Variants in BRINP3 observed in about 807,000 individuals in gnomAD.
BRINP3 encodes the protein BMP/retinoic acid inducible neural specific 3.
BRINP3 carries 19 observed loss-of-function variants against 71.0 expected under a neutral mutation model. The ratio of observed to expected loss-of-function variants is 0.27; its 90% CI spans 0.19 to 0.39. The LOEUF is 0.39. Ranked by LOEUF, BRINP3 falls within the 10% of genes least tolerant of loss-of-function variation. The pLI is 1.00. For missense variants in BRINP3, 959 were observed against 940.8 expected, an observed-to-expected ratio of 1.02 and a Z score of -0.25; for synonymous variants, 380 against 337.7, an observed-to-expected ratio of 1.13 and a Z score of -1.37.
At position 190,332,948 on chromosome 1, in the gene BRINP3, T is replaced by C. The variant is rs536961671; in HGVS notation, c.237-51198A>G. On this transcript the variant is annotated intron_variant, in intron 2 of 7. Transcript: ENST00000367462. ...CATCTATGAACCCATATACCTATTTTTTAAGCTTTATTTCACATCTGTTTT... is the reference window on the plus strand; with the variant it reads ...CATCTATGAACCCATATACCTATTTCTTAAGCTTTATTTCACATCTGTTTT... 7.2e-5 allele frequency among the ~76,000 whole-genome samples: 11 copies of C among 152,078 alleles called. No individual in the cohort carries two copies. In the East Asian group the frequency reaches 2.1e-3, roughly 29 times the overall value.
intron 2 of BRINP3, among the ~76,000 whole-genome samples, chr1:190,323,606 A>T (rs1028312114): frequency 6.8e-4 from 103 of 151,774 alleles, no homozygotes; most frequent in Non-Finnish European, 1.3e-3. Flanking sequence ...ACAAAAAAAA[A>T]AAAATAAGAA....
At chr1:190,368,114 T>C (rs1019158070) in intron 2 of BRINP3, among the ~76,000 whole-genome samples, 9 of 152,134 alleles carry the variant, frequency 5.9e-5, no homozygotes, top group Non-Finnish European at 8.8e-5. Flanking sequence ...AATAAAGACA[T>C]ACCTGAGACT....
Position 190,242,591 on chromosome 1 carries a change from T to A in BRINP3, c.619-8114A>T, listed in dbSNP as rs539702592. Among the ~76,000 whole-genome samples, 7 of 152,244 alleles carry A rather than the reference T, an allele frequency of 4.6e-5. No homozygotes were observed. The South Asian group carries it at 1.4e-3, about 31-fold the overall frequency. On this transcript the variant is annotated intron_variant, in intron 4 of 7. Transcript: ENST00000367462. ...CAACTATATTCTCTAATTTTATTCCTCATAATTTTAATAAACCAATTTTTT... is the reference window on the plus strand; with the variant it reads ...CAACTATATTCTCTAATTTTATTCCACATAATTTTAATAAACCAATTTTTT...
At chr1:190,315,869 C>CT (rs1665842458) in intron 2 of BRINP3, among the ~76,000 whole-genome samples, 1 of 152,118 alleles carries the variant, frequency 6.6e-6, no homozygotes. Flanking sequence ...CTCATTTCCT[C>CT]TTTTTTCTAA....
intron 2 of BRINP3, among the ~76,000 whole-genome samples, chr1:190,293,601 A>T (rs1217394582): frequency 6.6e-6 from 1 of 152,120 alleles, no homozygotes; most frequent in African/African-American, 2.4e-5. Flanking sequence ...TAATCTAAAC[A>T]TTGCTGAAAA....
At chr1:190,279,878 T>A (rs1662905340) in intron 3 of BRINP3, among the ~76,000 whole-genome samples, 2 of 151,892 alleles carry the variant, frequency 1.3e-5, no homozygotes, top group South Asian at 2.1e-4. Context: ...AATGTTTACA[T>A]ATATCTAGTT....
intron 2 of BRINP3, among the ~76,000 whole-genome samples, chr1:190,448,069 G>C (rs1013008702): frequency 6.6e-6 from 1 of 151,376 alleles, no homozygotes; most frequent in African/African-American, 2.4e-5. Flanking sequence ...ATTTTTATGT[G>C]TTTTGTTTTA....
intron 2 of BRINP3, among the ~76,000 whole-genome samples, chr1:190,347,278 C>T (rs565107359): frequency 1.3e-5 from 2 of 152,132 alleles, no homozygotes; most frequent in African/African-American, 2.4e-5. Context: ...GTAGCTGGGA[C>T]TTCAGGTGCG....
At chr1:190,345,697 A>T (rs1347416971) in intron 2 of BRINP3, among the ~76,000 whole-genome samples, 3 of 147,964 alleles carry the variant, frequency 2.0e-5, no homozygotes, top group East Asian at 4.1e-4. Context: ...TCAACAACCA[A>T]ATAGCCATTT....
chr1:190,114,354 T>G (rs529621769), intron 7 of BRINP3, among the ~76,000 whole-genome samples: 1 of 152,060 alleles, frequency 6.6e-6, no homozygotes, highest in Non-Finnish European at 1.5e-5. Flanking sequence ...TTACCCAGTC[T>G]CAGGTATTTA....
intron 2 of BRINP3, among the ~76,000 whole-genome samples, chr1:190,409,028 TG>T (rs1329895930): frequency 2.6e-5 from 4 of 152,200 alleles, no homozygotes; most frequent in Non-Finnish European, 4.4e-5. Context: ...CAGCAATGCA[TG>T]TGATAATGCA....
At chr1:190,257,504 A>T (rs1010395531) in intron 4 of BRINP3, among the ~76,000 whole-genome samples, 1 of 152,030 alleles carries the variant, frequency 6.6e-6, no homozygotes, top group African/African-American at 2.4e-5. Context: ...TTCTCCATCT[A>T]GCTTTGTTCT....
chr1:190,099,246 G>T, intron 7 of BRINP3, 112 bp from the exon 8 acceptor site: 1 of 1,018,818 alleles, frequency 9.8e-7, no homozygotes, highest in Non-Finnish European at 1.4e-6. Flanking sequence ...TCTCCAGCCA[G>T]TAATTTAAAT....
At chr1:190,331,634 A>G (rs1246482527) in intron 2 of BRINP3, among the ~76,000 whole-genome samples, 1 of 152,036 alleles carries the variant, frequency 6.6e-6, no homozygotes, top group Non-Finnish European at 1.5e-5. Context: ...GGTTTGTGAA[A>G]ACCCAGCATC....
chr1:190,270,882 T>C (rs1468294318), intron 3 of BRINP3, among the ~76,000 whole-genome samples: 1 of 151,652 alleles, frequency 6.6e-6, no homozygotes, highest in Non-Finnish European at 1.5e-5. Context: ...ATGCATTCAA[T>C]GTTTTATACA....
At chr1:190,253,245 T>C (rs966920512) in intron 4 of BRINP3, among the ~76,000 whole-genome samples, 1 of 152,100 alleles carries the variant, frequency 6.6e-6, no homozygotes, top group African/African-American at 2.4e-5. Flanking sequence ...CACGTGTGGA[T>C]GTGTCTTATA....
rs186964124 is a variant in BRINP3 at position 190,455,966 on chromosome 1, A to G, written c.-50-1026T>C. On this transcript the variant is annotated intron_variant, in intron 1 of 7. Coordinates refer to ENST00000367462, the MANE Select transcript of BRINP3 (RefSeq NM_199051.3). ...CTTTCTATCCTCATCAGCTTTTCAA[A>G]CTGTATTATTCATAGCACATAGCAC... is the stretch of plus-strand genomic sequence containing the variant. 7.8e-3 allele frequency among the ~76,000 whole-genome samples: 1,187 copies of G among 152,290 alleles called. 20 individuals are homozygous for G. Among genetic ancestry groups the G allele is most frequent in the African/African-American group, 0.027 (1,139 of 41,560 alleles).
In BRINP3 at chr1:190,322,035, C is replaced by T. The variant is rs560999865; in HGVS notation, c.237-40285G>A. On this transcript the variant is annotated intron_variant, in intron 2 of 7. Transcript: ENST00000367462. ...ATAAATCTATTTTTATATATGTGTG[C>T]ATATATATGTGTGCATATATATATG... Among the ~76,000 whole-genome samples, 12 of 151,392 alleles carry T rather than the reference C, an allele frequency of 7.9e-5. No individual in the cohort carries two copies. The East Asian group carries it at 2.1e-3, about 27-fold the overall frequency.
chr1:190,294,982 TTC>T (rs1664143570), intron 2 of BRINP3, among the ~76,000 whole-genome samples: 1 of 151,912 alleles, frequency 6.6e-6, no homozygotes, highest in African/African-American at 2.4e-5. Flanking sequence ...AGCAGAAGGA[TTC>T]TCTCTCTACT....
Sources: gnomAD v4.1 joint callset for allele counts (sites outside exome capture counted in the v4.1 genomes callset) on GRCh38, gnomAD v4.1.1 for gene constraint, MANE v1.5 for transcripts, NCBI Gene and HGNC (gene_info 2026-07-23, HGNC 2026-07-21) for gene names.